The following KLF17 variants were observed in gnomAD, a reference collection of about 807,000 sequenced individuals.
The protein encoded by KLF17 is Krueppel-like factor 17.
A neutral mutation model predicts 34.2 loss-of-function variants in KLF17; 31 were observed. That is an observed-to-expected ratio of 0.91 (90% CI 0.68 to 1.22). The LOEUF (loss-of-function observed/expected upper bound fraction) is 1.22, where lower values mean the gene tolerates loss of function less well. Ranked by LOEUF, KLF17 falls within the 50% of genes most tolerant of loss-of-function variation. The pLI, the probability that KLF17 is intolerant of heterozygous loss-of-function variation, is 0.00. For synonymous variants in KLF17, 179 were observed against 186.7 expected, an observed-to-expected ratio of 0.96 and a Z score of 0.34; for missense variants, 478 against 505.2, an observed-to-expected ratio of 0.95 and a Z score of 0.52.
chr1:44,094,574 C>T, the KLF17 span, among the ~76,000 whole-genome samples: 2 of 152,122 alleles, frequency 1.3e-5, no homozygotes, highest in South Asian at 2.1e-4. Flanking sequence ...TCCATTTTCC[C>T]CAGCACCATT....
chr1:44,064,726 G>A, the KLF17 span, among the ~76,000 whole-genome samples: 1 of 152,088 alleles, frequency 6.6e-6, no homozygotes, highest in Non-Finnish European at 1.5e-5. Context: ...TCACATATAG[G>A]TAACCATTCA....
chr1:44,103,424 G>A, the KLF17 span: 5 of 784,610 alleles, frequency 6.4e-6, no homozygotes, highest in Admixed American at 1.8e-5. Flanking sequence ...TGAAGGAGCT[G>A]GCGCCCATGC....
chr1:44,127,909 T>C (rs1055689582), intron 1 of KLF17, among the ~76,000 whole-genome samples: 2 of 151,548 alleles, frequency 1.3e-5, no homozygotes, highest in Non-Finnish European at 2.9e-5. Flanking sequence ...GTCTTGGTGG[T>C]TTATTATCTT....
the KLF17 span, chr1:44,103,376 C>A: frequency 1.3e-6 from 1 of 756,570 alleles, no homozygotes; most frequent in South Asian, 1.4e-5. Context: ...AGGTCTGGAT[C>A]TTCTTCACAA....
chr1:44,111,226 G>A, the KLF17 span, among the ~76,000 whole-genome samples: 1 of 151,830 alleles, frequency 6.6e-6, no homozygotes. Flanking sequence ...AAACTCCTGG[G>A]CTCAAGCGAT....
At chr1:44,087,724 TTATATA>T in the KLF17 span, among the ~76,000 whole-genome samples, 420 of 75,454 alleles carry the variant, frequency 5.6e-3, 3 homozygotes, top group East Asian at 0.011. Flanking sequence ...CCTATATATT[TTATATA>T]TATATATATA....
chr1:44,065,007 G>A, the KLF17 span, among the ~76,000 whole-genome samples: 2 of 152,222 alleles, frequency 1.3e-5, no homozygotes, highest in African/African-American at 4.8e-5. Flanking sequence ...GATGTTTATA[G>A]GCTGGGCGTG....
At chr1:44,086,131 C>T in the KLF17 span, among the ~76,000 whole-genome samples, 8 of 152,100 alleles carry the variant, frequency 5.3e-5, no homozygotes, top group Admixed American at 2.0e-4. Context: ...AAAGTGGAGA[C>T]GCTGAGTATA....
chr1:44,046,353 G>T, the KLF17 span, among the ~76,000 whole-genome samples: 1 of 151,766 alleles, frequency 6.6e-6, no homozygotes, highest in African/African-American at 2.4e-5. Context: ...AAGTAGCTGG[G>T]ACTACAGGTG....
chr1:44,119,033 AG>A (rs759144070), intron 1 of KLF17, 45 bp downstream of exon 1: 34 of 1,417,578 alleles, frequency 2.4e-5, no homozygotes, highest in Non-Finnish European at 7.7e-6. Flanking sequence ...GGCCCAGGCT[AG>A]GGGGCGGCGG....
At chr1:44,114,889 G>A (rs554737632), upstream of KLF17, 4 of 152,188 alleles carry the variant, frequency 2.6e-5, no homozygotes, top group South Asian at 6.2e-4. Flanking sequence ...TTTTATTAGC[G>A]ATCCTTTAAT....
At chr1:44,082,446 G>T in the KLF17 span, among the ~76,000 whole-genome samples, 2 of 152,040 alleles carry the variant, frequency 1.3e-5, no homozygotes, top group Admixed American at 1.3e-4. Context: ...CGGGGACTGT[G>T]TGCATTCGGA....
the KLF17 span, among the ~76,000 whole-genome samples, chr1:44,057,246 T>C: frequency 6.6e-6 from 1 of 152,206 alleles, no homozygotes; most frequent in African/African-American, 2.4e-5. Context: ...GGCCCTCCAA[T>C]TGGGAAAAGA....
chr1:44,097,208 G>T, the KLF17 span, among the ~76,000 whole-genome samples: 1 of 149,148 alleles, frequency 6.7e-6, no homozygotes, highest in Non-Finnish European at 1.5e-5. Context: ...GTACCATTCT[G>T]TTTTGGTACC....
At chr1:44,129,205 AG>A in intron 1 of KLF17, 147 bp from the exon 2 acceptor site, 1 of 941,194 alleles carries the variant, frequency 1.1e-6, no homozygotes, top group Non-Finnish European at 1.5e-6. Context: ...CATGTTAGAA[AG>A]CCCAAGCTGG....
upstream of KLF17, among the ~76,000 whole-genome samples, chr1:44,116,808 T>C (rs2087883358): frequency 6.6e-6 from 1 of 152,122 alleles, no homozygotes; most frequent in Admixed American, 6.5e-5. Context: ...GCATCCACTC[T>C]AATGGCCTTC....
the KLF17 span, among the ~76,000 whole-genome samples, chr1:44,083,663 G>A: frequency 4.6e-5 from 7 of 151,974 alleles, no homozygotes; most frequent in Admixed American, 3.3e-4. Context: ...GCATGGTGGC[G>A]GGTGCCTGTA....
the KLF17 span, among the ~76,000 whole-genome samples, chr1:44,053,930 C>A: frequency 4.1e-3 from 627 of 152,294 alleles, 6 homozygotes; most frequent in African/African-American, 0.015. Flanking sequence ...GGAGGAGATG[C>A]AATTCCAGAT....
chr1:44,099,645 C>T, the KLF17 span, among the ~76,000 whole-genome samples: 1 of 151,158 alleles, frequency 6.6e-6, no homozygotes, highest in African/African-American at 2.4e-5. Context: ...TAAACCCCAT[C>T]TCTACTAAAA....
Sources: allele counts gnomAD v4.1 joint callset (sites outside exome capture counted in the v4.1 genomes callset), GRCh38; gene constraint gnomAD v4.1.1; transcripts MANE v1.5; gene names NCBI Gene and HGNC (gene_info 2026-07-23, HGNC 2026-07-21).